Variants in INTS3 observed in about 807,000 individuals in gnomAD.
INTS3 encodes SOSS complex subunit A.
INTS3 carries 34 observed loss-of-function variants against 146.3 expected under a neutral mutation model. That is an observed-to-expected ratio of 0.23 (90% CI 0.18 to 0.31). The LOEUF (loss-of-function observed/expected upper bound fraction) is 0.31. INTS3 is among the 10% of genes least tolerant of loss of function. INTS3 has a pLI of 1.00. For missense variants in INTS3, 757 were observed against 1,304.2 expected, an observed-to-expected ratio of 0.58 and a Z score of 6.46; for synonymous variants, 475 against 494.9, an observed-to-expected ratio of 0.96 and a Z score of 0.53.
chr1:153,740,865 A>G (rs1570841682), intron 2 of INTS3, 131 bp downstream of exon 2: 3 of 738,786 alleles, frequency 4.1e-6, no homozygotes, highest in Admixed American at 2.1e-5. Flanking sequence ...CCCTGAATCA[A>G]ATTTCTCAAT....
intron 6 of INTS3, among the ~76,000 whole-genome samples, chr1:153,749,273 A>G (rs1258368217): frequency 6.6e-6 from 1 of 152,036 alleles, no homozygotes; most frequent in African/African-American, 2.4e-5. Flanking sequence ...GGGGGTACAT[A>G]TTGGGCTTTC....
At position 153,772,838 on chromosome 1, in the gene INTS3, G is replaced by T; in HGVS notation, c.2895-87G>T. The T allele has an allele frequency of 6.3e-7, 1 of 1,594,236 alleles. No individual in the cohort carries two copies. The highest frequency in any genetic ancestry group is 8.6e-7 in the Non-Finnish European group (1 of 1,166,836). On this transcript the variant is annotated intron_variant, in intron 28 of 29. Transcript: ENST00000318967. The surrounding 1 kb of genome is among the most constrained non-coding windows in gnomAD (Gnocchi z 4.6). ...GGGTCCAGGGTTGAAGAAAAAGAAG[G>T]CCTAGGCCTGGGGGCAGAGAAGAGG...
rs1450805875 is a variant in INTS3 at position 153,757,539 on chromosome 1, C to T, written c.958-33C>T. The T allele has an allele frequency of 6.2e-7, 1 of 1,604,562 alleles. No homozygotes were observed. The highest frequency in any genetic ancestry group is 1.3e-5 in the African/African-American group (1 of 74,908). On this transcript the variant is annotated intron_variant, in intron 9 of 29. Coordinates refer to ENST00000318967, the MANE Select transcript of INTS3 (RefSeq NM_023015.5). This position sits in a 1 kb window ranked among gnomAD's most constrained non-coding sequence, Gnocchi z 4.0. ...CTGGCCAAGGACCCCACACTGTCTT[C>T]TAAGGTCTTTTTCTTGCTTCCCCTT... is the stretch of plus-strand genomic sequence containing the variant.
chr1:153,755,479 C>T (rs1470358384), intron 9 of INTS3, among the ~76,000 whole-genome samples: 2 of 152,074 alleles, frequency 1.3e-5, no homozygotes, highest in Admixed American at 6.5e-5. Flanking sequence ...AGGCTGGTCT[C>T]GAACTTCCGA....
chr1:153,759,094 G>T (rs1247324235), intron 10 of INTS3, among the ~76,000 whole-genome samples: 2 of 152,020 alleles, frequency 1.3e-5, no homozygotes, highest in Non-Finnish European at 2.9e-5. Flanking sequence ...TCCAGCCTGG[G>T]TGACATGGCA....
At chr1:153,738,517 T>C (rs1671385826) in intron 1 of INTS3, among the ~76,000 whole-genome samples, 1 of 152,242 alleles carries the variant, frequency 6.6e-6, no homozygotes, top group Non-Finnish European at 1.5e-5. Context: ...AGTGATGTTA[T>C]ATCCTTTCAG....
intron 9 of INTS3, among the ~76,000 whole-genome samples, chr1:153,756,687 G>A (rs1429614183): frequency 1.3e-4 from 20 of 151,874 alleles, no homozygotes; most frequent in Admixed American, 1.3e-3. Flanking sequence ...ATGGTGGCAT[G>A]TGCCTGTAAT....
chr1:153,757,521 A>G lies in INTS3; in HGVS notation c.958-51A>G. 2 of 1,543,998 alleles carry G rather than the reference A, an allele frequency of 1.3e-6. No homozygotes were observed. The highest frequency in any genetic ancestry group is 1.1e-5 in the South Asian group (1 of 87,298). On this transcript the variant is annotated intron_variant, in intron 9 of 29. Transcript: ENST00000318967. The surrounding 1 kb of genome is among the most constrained non-coding windows in gnomAD (Gnocchi z 4.0). The stretch of plus-strand genomic sequence containing the variant: ...AGTGGTGCTCGTTTTCCTCTGGCCA[A>G]GGACCCCACACTGTCTTCTAAGGTC...
Position 153,748,824 on chromosome 1 carries a change from G to A in INTS3, c.584+69G>A, listed in dbSNP as rs1218713441. 14 of 1,240,504 alleles carry A rather than the reference G, an allele frequency of 1.1e-5. 1 individual carries two copies. The highest frequency in any genetic ancestry group is 2.4e-5 in the South Asian group (2 of 83,664). The allele number at this position is 1,240,504 out of a possible 1,614,324, so 76.8% of individuals were successfully genotyped here. A position where few individuals can be genotyped will look rare whatever the true frequency, so the allele number is the denominator to read the frequency against. ...CATTAGGAGTGTGGGTGTGGGAAAT[G>A]GGGATGAAAGGATTGTGTGGCCCAA... On this transcript the variant is annotated intron_variant, in intron 6 of 29. Transcript: ENST00000318967.
chr1:153,752,448 A>C (rs1487338335), intron 8 of INTS3, 40 bp downstream of exon 8: 1 of 1,584,734 alleles, frequency 6.3e-7, no homozygotes, highest in East Asian at 2.3e-5. Flanking sequence ...GAGAGCTGGG[A>C]GTTCAATGTG....
intron 25 of INTS3, 22 bp from the exon 26 acceptor site, chr1:153,771,774 C>G (rs1672883498): frequency 6.2e-7 from 1 of 1,601,930 alleles, no homozygotes; most frequent in African/African-American, 1.3e-5. Flanking sequence ...AAGCAGCACC[C>G]AGTGCCCCCT....
At position 153,731,901 on chromosome 1, in the gene INTS3, C is replaced by CTTTTTTTTT. The variant is rs34353204; in HGVS notation, c.150+3133_150+3141dup. On this transcript the variant is annotated intron_variant, in intron 1 of 29. Coordinates refer to ENST00000318967, the MANE Select transcript of INTS3 (RefSeq NM_023015.5). ...CACCTGGCCCCGCGTCTTTTTTTAA[C>CTTTTTTTTT]TTTTTTTTTTTTTTTTTTTTTTTTG... 4.6e-5 allele frequency among the ~76,000 whole-genome samples: 3 copies of CTTTTTTTTT among 65,282 alleles called. 1 individual carries two copies. Among genetic ancestry groups the CTTTTTTTTT allele is most frequent in the African/African-American group, 7.4e-5 (1 of 13,488 alleles). 42.8% of individuals were successfully genotyped at this position (65,282 alleles called of 152,430 possible).
At chr1:153,770,600 TGGCTG>T in intron 24 of INTS3, 80 bp from the exon 25 acceptor site, 2 of 1,121,526 alleles carry the variant, frequency 1.8e-6, no homozygotes, top group Non-Finnish European at 2.7e-6. Context: ...TTCCCTCCAG[TGGCTG>T]TTGGGGGATG....
chr1:153,773,578 C>T lies in INTS3; in HGVS notation c.*308C>T, dbSNP rs1399179900. On this transcript the variant is annotated 3_prime_UTR_variant, in exon 30 of 30. Transcript: ENST00000318967. ...GAAGTCCTCAGCCCCCTGGCCCCTT[C>T]CGCAATCTCCTCCCCCAGTCTCCCA... 12 of 470,702 alleles carry T rather than the reference C, an allele frequency of 2.5e-5. No homozygotes were observed. In the East Asian group the frequency reaches 4.1e-4, roughly 16 times the overall value. The allele number at this position is 470,702 out of a possible 1,614,324, so 29.2% of individuals were successfully genotyped here.
chr1:153,758,069 C>G (rs1381756354), intron 10 of INTS3, among the ~76,000 whole-genome samples: 1 of 152,186 alleles, frequency 6.6e-6, no homozygotes, highest in East Asian at 1.9e-4. Context: ...TACAGCTATT[C>G]CTCTTAACTG....
At chr1:153,732,796 G>T (rs993699016) in intron 1 of INTS3, among the ~76,000 whole-genome samples, 4 of 145,106 alleles carry the variant, frequency 2.8e-5, no homozygotes, top group Non-Finnish European at 6.0e-5. Flanking sequence ...TTCTGAAAAT[G>T]AGGAATTTAG....
chr1:153,749,859 C>T (rs372898475), intron 6 of INTS3, among the ~76,000 whole-genome samples: 1 of 152,150 alleles, frequency 6.6e-6, no homozygotes, highest in South Asian at 2.1e-4. Context: ...CAAATACGTC[C>T]TGTCCCCATA....
Position 153,772,817 on chromosome 1 carries a change from C to G in INTS3, c.2894+106C>G. 1 of 1,581,896 alleles carries G rather than the reference C, an allele frequency of 6.3e-7. No individual in the cohort carries two copies. The highest frequency in any genetic ancestry group is 8.6e-7 in the Non-Finnish European group (1 of 1,160,558). ...GTAATGGCCAGCAAGACCTTAGGGT[C>G]CAGGGTTGAAGAAAAAGAAGGCCTA... On this transcript the variant is annotated intron_variant, in intron 28 of 29. Transcript: ENST00000318967. The surrounding 1 kb of genome is among the most constrained non-coding windows in gnomAD (Gnocchi z 4.6).
Position 153,747,023 on chromosome 1 carries a change from A to G in INTS3, c.385A>G (p.Ile129Val). ...MNIVLNKINQ[I>V]LMEKYLKLQD... is the part of the protein sequence containing the mutation. ...TATTGTCCTGAATAAAATCAACCAG[A>G]TACTTATGGAGAAGTACCTGAAGCT... Residue 129 changes from isoleucine (I) to valine (V), a missense_variant, in exon 4 of 30, where the codon ATA becomes GTA. This residue lies in a region of INTS3 where 160 missense variants were observed against 193.7 expected (regional missense o/e 0.83). Transcript: ENST00000318967. The G allele has an allele frequency of 6.2e-7, 1 of 1,613,606 alleles. No homozygotes were observed. Among genetic ancestry groups the G allele is most frequent in the Non-Finnish European group, 8.5e-7 (1 of 1,179,524 alleles).
Sources: gnomAD v4.1 joint callset for allele counts (sites outside exome capture counted in the v4.1 genomes callset) on GRCh38, gnomAD v4.1.1 for gene constraint, gnomAD v4.1.1 regional missense constraint, Gnocchi (gnomAD v3.1) non-coding constraint, MANE v1.5 for transcripts, NCBI Gene and HGNC (gene_info 2026-07-23, HGNC 2026-07-21) for gene names.